The following TSHZ2 variants were observed in gnomAD, a reference collection of about 807,000 sequenced individuals.
TSHZ2 encodes the protein teashirt zinc finger homeobox 2, also known as teashirt homolog 2.
A neutral mutation model predicts 74.4 loss-of-function variants in TSHZ2; 21 were observed. The ratio of observed to expected loss-of-function variants is 0.28; its 90% CI spans 0.20 to 0.41. The LOEUF is 0.41. TSHZ2 is among the 10% of genes least tolerant of loss of function. The pLI, the probability that TSHZ2 is intolerant of heterozygous loss-of-function variation, is 1.00. For synonymous variants in TSHZ2, 540 were observed against 515.3 expected, an observed-to-expected ratio of 1.05 and a Z score of -0.65; for missense variants, 1,244 against 1,293.5, an observed-to-expected ratio of 0.96 and a Z score of 0.59.
chr20:53,329,533 GC>G (rs1422447908), intron 2 of TSHZ2, among the ~76,000 whole-genome samples: 1 of 151,838 alleles, frequency 6.6e-6, no homozygotes, highest in Non-Finnish European at 1.5e-5. Flanking sequence ...GATGACTCTG[GC>G]ATTTACTGGC....
intron 1 of TSHZ2, among the ~76,000 whole-genome samples, chr20:53,171,040 T>C (rs912317742): frequency 5.9e-5 from 9 of 152,356 alleles, no homozygotes; most frequent in Admixed American, 4.6e-4. Context: ...ACCGCAGCTT[T>C]AATTTAGACA....
Position 53,206,061 on chromosome 20 carries a change from A to G in TSHZ2, c.41-47438A>G, listed in dbSNP as rs555634974. 3.3e-5 allele frequency among the ~76,000 whole-genome samples: 5 copies of G among 152,236 alleles called. No individual in the cohort carries two copies. The South Asian group carries it at 1.0e-3, about 32-fold the overall frequency. ...TGGTGAAACCCCGTCTCTACTAAAA[A>G]TACAAAAATTAGCCAGGTGTGGTGG... On this transcript the variant is annotated intron_variant, in intron 1 of 2. Transcript: ENST00000371497.
intron 2 of TSHZ2, among the ~76,000 whole-genome samples, chr20:53,318,941 T>C (rs200650): frequency 0.5 from 75,485 of 152,018 alleles, 19,062 homozygotes; most frequent in Non-Finnish European, 0.55. Flanking sequence ...CAAAGGCACA[T>C]CTTACATGGC....
intron 2 of TSHZ2, among the ~76,000 whole-genome samples, chr20:53,293,659 T>C (rs113297012): frequency 4.8e-5 from 7 of 146,738 alleles, no homozygotes; most frequent in Non-Finnish European, 8.9e-5. Flanking sequence ...TTACCAGGCA[T>C]GTACCCAGTG....
intron 1 of TSHZ2, among the ~76,000 whole-genome samples, chr20:53,228,277 TG>T (rs1465330138): frequency 6.6e-6 from 1 of 152,178 alleles, no homozygotes; most frequent in Non-Finnish European, 1.5e-5. Context: ...GCACCATGAA[TG>T]AGAAAACTCA....
chr20:53,266,817 G>T (rs904100727), intron 2 of TSHZ2, among the ~76,000 whole-genome samples: 2 of 127,712 alleles, frequency 1.6e-5, no homozygotes, highest in Admixed American at 9.4e-5. Flanking sequence ...TCACTCTGTC[G>T]CCCAGGCTGG....
At chr20:53,069,236 C>T (rs956289869) in intron 1 of TSHZ2, among the ~76,000 whole-genome samples, 1 of 152,114 alleles carries the variant, frequency 6.6e-6, no homozygotes, top group Admixed American at 6.5e-5. Flanking sequence ...AGTTCACCTA[C>T]TTTAGAATAC....
At chr20:53,433,106 A>G (rs73913764) in intron 2 of TSHZ2, among the ~76,000 whole-genome samples, 6,975 of 152,248 alleles carry the variant, frequency 0.046, 327 homozygotes, top group African/African-American at 0.12. Context: ...GAAACCCAGC[A>G]GAATTCTACA....
chr20:53,281,619 C>T (rs1991062796), intron 2 of TSHZ2, among the ~76,000 whole-genome samples: 1 of 152,156 alleles, frequency 6.6e-6, no homozygotes, highest in African/African-American at 2.4e-5. Context: ...AGGATAGTGT[C>T]TCATGTGGGG....
intron 2 of TSHZ2, among the ~76,000 whole-genome samples, chr20:53,371,174 G>A (rs914471323): frequency 1.3e-4 from 20 of 152,302 alleles, no homozygotes; most frequent in African/African-American, 4.6e-4. Flanking sequence ...TCCAAATAAG[G>A]TCCCATTCAC....
chr20:53,184,126 G>T (rs534054568), intron 1 of TSHZ2, among the ~76,000 whole-genome samples: 1 of 152,134 alleles, frequency 6.6e-6, no homozygotes, highest in Non-Finnish European at 1.5e-5. Flanking sequence ...GTGGCCTCTT[G>T]TGGGACTGTG....
chr20:52,977,415 GAA>G (rs1981383330), intron 1 of TSHZ2, among the ~76,000 whole-genome samples: 1 of 124,342 alleles, frequency 8.0e-6, no homozygotes, highest in African/African-American at 3.1e-5. Context: ...CAAATGAATG[GAA>G]AAATACACAC....
chr20:53,027,585 G>T (rs111877921), intron 1 of TSHZ2, among the ~76,000 whole-genome samples: 120 of 152,182 alleles, frequency 7.9e-4, no homozygotes, highest in Middle Eastern at 3.4e-3. Context: ...CTGCGTTCAA[G>T]GTACCAACAA....
chr20:53,142,412 G>T (rs551411139), intron 1 of TSHZ2, among the ~76,000 whole-genome samples: 5 of 152,322 alleles, frequency 3.3e-5, no homozygotes, highest in African/African-American at 4.8e-5. Flanking sequence ...AGTCTCATTG[G>T]TCCCACCAGG....
At chr20:53,487,092 G>A (rs1986308331) in intron 2 of TSHZ2, 52 bp from the exon 3 acceptor site, 1 of 152,736 alleles carries the variant, frequency 6.5e-6, no homozygotes, top group African/African-American at 2.4e-5. Context: ...AATCACCTGG[G>A]CTACACCTCA....
chr20:53,093,346 T>C (rs553964514), intron 1 of TSHZ2, among the ~76,000 whole-genome samples: 22 of 152,214 alleles, frequency 1.4e-4, no homozygotes, highest in African/African-American at 5.3e-4. Flanking sequence ...CTGTTGCCCA[T>C]AGGGAAGGAA....
rs528974225 is a variant in TSHZ2, at chr20:53,070,542, A to G, written c.40+97209A>G. ...ATTTTTATTTACAATTTAAAATGTA[A>G]ATGCTTTGGGGTCAGGCCTCTGCGA... On this transcript the variant is annotated intron_variant, in intron 1 of 2. Coordinates refer to ENST00000371497, the MANE Select transcript of TSHZ2 (RefSeq NM_173485.6). Among the ~76,000 whole-genome samples the G allele has an allele frequency of 6.6e-5, 10 of 152,300 alleles. No homozygotes were observed. In the East Asian group the frequency reaches 1.9e-3, roughly 29 times the overall value.
At chr20:53,419,588 A>AAGAGC (rs760715050) in intron 2 of TSHZ2, among the ~76,000 whole-genome samples, 36 of 152,328 alleles carry the variant, frequency 2.4e-4, no homozygotes, top group Admixed American at 5.2e-4. Context: ...CCACTCTATA[A>AAGAGC]AGAGCAAAGC....
chr20:53,372,050 G>A (rs1209810188), intron 2 of TSHZ2, among the ~76,000 whole-genome samples: 2 of 152,086 alleles, frequency 1.3e-5, no homozygotes, highest in East Asian at 3.9e-4. Flanking sequence ...TGTGTCCTCA[G>A]TCATTGAATT....
Sources: gnomAD v4.1 joint callset for allele counts (sites outside exome capture counted in the v4.1 genomes callset) on GRCh38, gnomAD v4.1.1 for gene constraint, MANE v1.5 for transcripts, NCBI Gene and HGNC (gene_info 2026-07-23, HGNC 2026-07-21) for gene names.